CCER1: variants seen among roughly 807,000 people sequenced by gnomAD.
CCER1 encodes coiled-coil domain-containing glutamate-rich protein 1.
For missense variants in CCER1, 573 were observed against 524.5 expected, an observed-to-expected ratio of 1.09 and a Z score of -0.90; for synonymous variants, 246 against 213.8, an observed-to-expected ratio of 1.15 and a Z score of -1.31.
In CCER1 at chr12:90,954,832, C is replaced by G. The variant is rs1182484211; in HGVS notation, c.-90G>C. ...TAGGACGGTCAGAAGAGCCTCGTCT[C>G]GTCAACCTGTCTCTCCACGCAGCGC... On this transcript the variant is annotated 5_prime_UTR_variant, in exon 1 of 1. Coordinates refer to ENST00000358859, the MANE Select transcript of CCER1 (RefSeq NM_152638.4). 1.4e-6 allele frequency: 2 copies of G among 1,469,486 alleles called. No homozygotes were observed. Among genetic ancestry groups the G allele is most frequent in the African/African-American group, 1.4e-5 (1 of 70,560 alleles). The allele number at this position is 1,469,486 out of a possible 1,614,324, so 91.0% of individuals were successfully genotyped here. A position where few individuals can be genotyped will look rare whatever the true frequency, so the allele number is the denominator to read the frequency against.
rs971798166 is a variant in CCER1, at chr12:90,955,088, G to T, written c.-346C>A. ...CACACCCGGCTCTGCTGAGGCACGG[G>T]CTGGGGCCGGGGGAGGCAGGGGTTG... On this transcript the variant is annotated 5_prime_UTR_variant, in exon 1 of 1. Coordinates refer to ENST00000358859, the MANE Select transcript of CCER1 (RefSeq NM_152638.4). 8.0e-6 allele frequency: 3 copies of T among 374,932 alleles called. No individual in the cohort carries two copies. The Admixed American group carries it at 1.3e-4, about 16-fold the overall frequency. 23.2% of individuals were successfully genotyped at this position (374,932 alleles called of 1,614,324 possible).
rs1438755570 is a variant in CCER1, at chr12:90,954,365, G to A, written c.378C>T (p.Ser126=). 1.2e-6 allele frequency: 2 copies of A among 1,610,214 alleles called. No homozygotes were observed. Among genetic ancestry groups the A allele is most frequent in the African/African-American group, 1.3e-5 (1 of 74,924 alleles). The part of the protein sequence containing the change: ...PLCFCCCSCW[S]GSWNPGWVKP... ...TCACCCAGCCAGGGTTCCAGGACCC[G>A]CTCCAGCAGGAGCAGCAGCAAAAGC... The change falls in exon 1 of 1, where the codon AGC becomes AGT. Residue 126 remains serine, a synonymous_variant. Transcript: ENST00000358859.
Position 90,953,384 on chromosome 12 carries a change from T to C in CCER1, c.*138A>G, listed in dbSNP as rs937344290. Reference sequence around the variant, plus strand: ...ACACATACGCATCAAATTTTAAACATTTTATAATGGCCAAAGAAGGTGTTT... The same window carrying C: ...ACACATACGCATCAAATTTTAAACACTTTATAATGGCCAAAGAAGGTGTTT... On this transcript the variant is annotated 3_prime_UTR_variant, in exon 1 of 1. Transcript: ENST00000358859. 4.6e-6 allele frequency: 5 copies of C among 1,091,190 alleles called. No homozygotes were observed. The Admixed American group carries it at 1.5e-4, about 33-fold the overall frequency. 67.6% of individuals were successfully genotyped at this position (1,091,190 alleles called of 1,614,324 possible).
At position 90,954,723 on chromosome 12, in the gene CCER1, G is replaced by A; in HGVS notation, c.20C>T (p.Thr7Ile). MTQTLD[T>I]REDPLNLGGG... is the part of the protein sequence containing the mutation. ...GCCCAGGTTCAGAGGGTCTTCCCTT[G>A]TGTCGAGGGTCTGAGTCATGGTTCA... The change falls in exon 1 of 1, where the codon ACA becomes ATA. Residue 7 changes from threonine (T) to isoleucine (I), a missense_variant. By Grantham distance (89) the Thr-to-Ile change is moderately conservative. Coordinates refer to ENST00000358859, the MANE Select transcript of CCER1 (RefSeq NM_152638.4). 6.4e-7 allele frequency: 1 copy of A among 1,552,962 alleles called. No individual in the cohort carries two copies. The highest frequency in any genetic ancestry group is 8.7e-7 in the Non-Finnish European group (1 of 1,149,042).
rs1013370377 is a variant in CCER1 at position 90,953,123 on chromosome 12, A to G, written c.*399T>C. 2 of 169,698 alleles carry G rather than the reference A, an allele frequency of 1.2e-5. No homozygotes were observed. The highest frequency in any genetic ancestry group is 4.7e-5 in the African/African-American group (2 of 42,106). The allele number at this position is 169,698 out of a possible 1,614,324, so 10.5% of individuals were successfully genotyped here. ...TAGCGTTAGAATGTGCTTCTTACGC[A>G]TGTAATAAACTATCTCTTGATTCCA... is the stretch of plus-strand genomic sequence containing the variant. On this transcript the variant is annotated 3_prime_UTR_variant, in exon 1 of 1. Transcript: ENST00000358859.
In CCER1 at chr12:90,954,174, G is replaced by A. The variant is rs750375255; in HGVS notation, c.569C>T (p.Thr190Ile). The A allele has an allele frequency of 6.2e-7, 1 of 1,610,630 alleles. No individual in the cohort carries two copies. Among genetic ancestry groups the A allele is most frequent in the Admixed American group, 1.7e-5 (1 of 60,032 alleles). ...EPGMRAPPNT[T>I]QFIMNQIYED... ...GTAGATCTGGTTCATGATGAATTGG[G>A]TGGTGTTGGGCGGCGCTCGCATGCC... Residue 190 changes from threonine to isoleucine, a missense_variant, in exon 1 of 1, where the codon ACC becomes ATC. By Grantham distance (89) the Thr-to-Ile change is moderately conservative. Transcript: ENST00000358859.
At position 90,954,525 on chromosome 12, in the gene CCER1, G is replaced by C. The variant is rs561247270; in HGVS notation, c.218C>G (p.Pro73Arg). The C allele has an allele frequency of 2.2e-5, 36 of 1,612,698 alleles. No homozygotes were observed. Among genetic ancestry groups the C allele is most frequent in the Non-Finnish European group, 2.9e-5 (34 of 1,179,052 alleles). Residue 73 changes from proline to arginine, a missense_variant, in exon 1 of 1, where the codon CCG becomes CGG. Transcript: ENST00000358859. ...CACGGGTGGTTGGAACCAAAAGCCCGGGCCGTGCTGTTGCTTCGGCTGCTT... is the reference window on the plus strand; with the variant it reads ...CACGGGTGGTTGGAACCAAAAGCCCCGGCCGTGCTGTTGCTTCGGCTGCTT... The part of the protein sequence containing the change: ...PRKQPKQQHG[P>R]GFWFQPPVCS...
rs531881142 is a variant in CCER1, at chr12:90,954,428, C to T, written c.315G>A (p.Pro105=). The T allele has an allele frequency of 1.2e-6, 2 of 1,611,124 alleles. No homozygotes were observed. The highest frequency in any genetic ancestry group is 1.3e-5 in the African/African-American group (1 of 74,946). ...GGCCATACACCCGAAACACTTGCAC[C>T]GGGCAGGGGAATTTCCAGAATCCTG... ...PPPGFWKFPC[P]VQVFRVYGLH... Residue 105 remains proline (P), a synonymous_variant, in exon 1 of 1, where the codon CCG becomes CCA. Transcript: ENST00000358859.
In CCER1 at chr12:90,952,899, T is replaced by A. The variant is rs1337350028; in HGVS notation, c.*623A>T. On this transcript the variant is annotated 3_prime_UTR_variant, in exon 1 of 1. Coordinates refer to ENST00000358859, the MANE Select transcript of CCER1 (RefSeq NM_152638.4). ...GTTCCACAGAAGCAACTTCATGTTC[T>A]TCTGAGGAAGATCCATAGCACTGTG... 6.5e-6 allele frequency: 1 copy of A among 152,680 alleles called. No individual in the cohort carries two copies. Among genetic ancestry groups the A allele is most frequent in the Non-Finnish European group, 1.5e-5 (1 of 68,082 alleles). 9.5% of individuals were successfully genotyped at this position (152,680 alleles called of 1,614,324 possible). A position where few individuals can be genotyped will look rare whatever the true frequency, so the allele number is the denominator to read the frequency against.
rs1234303814 is a variant in CCER1, at chr12:90,953,367, G to A, written c.*155C>T. On this transcript the variant is annotated 3_prime_UTR_variant, in exon 1 of 1. Transcript: ENST00000358859. ...CACCCACCCATAGTCATACACATAC[G>A]CATCAAATTTTAAACATTTTATAAT... is the stretch of plus-strand genomic sequence containing the variant. The A allele has an allele frequency of 1.9e-5, 16 of 828,202 alleles. No individual in the cohort carries two copies. Among genetic ancestry groups the A allele is most frequent in the East Asian group, 5.4e-5 (2 of 36,808 alleles). 51.3% of individuals were successfully genotyped at this position (828,202 alleles called of 1,614,324 possible). A position where few individuals can be genotyped will look rare whatever the true frequency, so the allele number is the denominator to read the frequency against.
chr12:90,953,682 CCT>C lies in CCER1; in HGVS notation c.1059_1060del (p.Glu355ArgfsTer17). The C allele has an allele frequency of 6.2e-7, 1 of 1,614,032 alleles. No homozygotes were observed. The highest frequency in any genetic ancestry group is 8.5e-7 in the Non-Finnish European group (1 of 1,179,986). On this transcript the variant is annotated frameshift_variant, in exon 1 of 1. Transcript: ENST00000358859. LOFTEE classifies it low-confidence loss of function (END_TRUNC). ...TTCCAGAGGCAAGTGAAATTCTTCC[CCT>C]CTCTGCTCGTTCTCCTCCAGGACCT...
Position 90,953,810 on chromosome 12 carries a change from C to G in CCER1, c.933G>C (p.Glu311Asp), listed in dbSNP as rs3832847. ...CTTCCTCCTCATCTTCGACCTCTTC[C>G]TCCTCATCTTCGACCTCTTCTTCCT... ...SEEEEEVEDEEEEVEDEEEEE... is the reference protein window; with the variant it reads ...SEEEEEVEDEDEEVEDEEEEE... The change falls in exon 1 of 1, where the codon GAG becomes GAC. Residue 311 changes from glutamate (E) to aspartate (D), a missense_variant. Physicochemically the swap from Glu to Asp is conservative, Grantham distance 45 (BLOSUM62 2). Coordinates refer to ENST00000358859, the MANE Select transcript of CCER1 (RefSeq NM_152638.4). 1.3e-6 allele frequency: 2 copies of G among 1,521,674 alleles called. No homozygotes were observed. Among genetic ancestry groups the G allele is most frequent in the Non-Finnish European group, 1.8e-6 (2 of 1,100,042 alleles). 94.3% of individuals were successfully genotyped at this position (1,521,674 alleles called of 1,614,324 possible).
rs1876609928 is a variant in CCER1, at chr12:90,954,854, G to C, written c.-112C>G. ...TCTCGTCAACCTGTCTCTCCACGCA[G>C]CGCCACGTGTCTACCCCTGGGATCA... On this transcript the variant is annotated 5_prime_UTR_variant, in exon 1 of 1. Coordinates refer to ENST00000358859, the MANE Select transcript of CCER1 (RefSeq NM_152638.4). 2.7e-5 allele frequency: 40 copies of C among 1,458,824 alleles called. No homozygotes were observed. The highest frequency in any genetic ancestry group is 3.6e-5 in the Non-Finnish European group (40 of 1,102,728). 90.4% of individuals were successfully genotyped at this position (1,458,824 alleles called of 1,614,324 possible).
Position 90,954,424 on chromosome 12 carries a change from G to T in CCER1, c.319C>A (p.Gln107Lys). ...PGFWKFPCPV[Q>K]VFRVYGLHPL... is the part of the protein sequence containing the mutation. ...TGCAGGCCATACACCCGAAACACTT[G>T]CACCGGGCAGGGGAATTTCCAGAAT... Residue 107 changes from glutamine (Q) to lysine (K), a missense_variant, in exon 1 of 1, where the codon CAA becomes AAA. Physicochemically the swap from Gln to Lys is moderately conservative, Grantham distance 53. Transcript: ENST00000358859. The T allele has an allele frequency of 6.2e-7, 1 of 1,612,010 alleles. No homozygotes were observed. Among genetic ancestry groups the T allele is most frequent in the Non-Finnish European group, 8.5e-7 (1 of 1,179,282 alleles).
Position 90,954,454 on chromosome 12 carries a change from G to A in CCER1, c.289C>T (p.Pro97Ser). 6.2e-7 allele frequency: 1 copy of A among 1,610,280 alleles called. No homozygotes were observed. Among genetic ancestry groups the A allele is most frequent in the Non-Finnish European group, 8.5e-7 (1 of 1,177,640 alleles). ...GGGCAGGGGAATTTCCAGAATCCTG[G>A]AGGGGGTGGGCGCCAGGGCCCTCCC... ...CWGGPWRPPP[P>S]GFWKFPCPVQ... The change falls in exon 1 of 1, where the codon CCA (proline) becomes TCA (serine). Residue 97 changes from proline to serine, a missense_variant. By Grantham distance (74) the Pro-to-Ser change is moderately conservative. Coordinates refer to ENST00000358859, the MANE Select transcript of CCER1 (RefSeq NM_152638.4).
chr12:90,954,791 G>A lies in CCER1; in HGVS notation c.-49C>T. 2 of 1,501,718 alleles carry A rather than the reference G, an allele frequency of 1.3e-6. No homozygotes were observed. Among genetic ancestry groups the A allele is most frequent in the Admixed American group, 2.2e-5 (1 of 46,118 alleles). The allele number at this position is 1,501,718 out of a possible 1,614,324, so 93.0% of individuals were successfully genotyped here. A position where few individuals can be genotyped will look rare whatever the true frequency, so the allele number is the denominator to read the frequency against. ...CAGATGGTAGCGACCTGAAGCTGTC[G>A]TCAAGTTTTGCCAGGTAGGACGGTC... On this transcript the variant is annotated 5_prime_UTR_variant, in exon 1 of 1. The change creates a new upstream start codon in the 5' untranslated region. Coordinates refer to ENST00000358859, the MANE Select transcript of CCER1 (RefSeq NM_152638.4).
chr12:90,953,850 T>G lies in CCER1; in HGVS notation c.893A>C (p.Lys298Thr), dbSNP rs774129484. The G allele has an allele frequency of 1.2e-6, 2 of 1,604,374 alleles. No individual in the cohort carries two copies. The highest frequency in any genetic ancestry group is 8.5e-7 in the Non-Finnish European group (1 of 1,171,202). ...EEYDQEVCDAKEASEEEEEVE... is the reference protein window; with the variant it reads ...EEYDQEVCDATEASEEEEEVE... ...CTCTTCTTCCTCCTCGCTCGCCTCC[T>G]TTGCATCACACACCTCCTGGTCATA... Residue 298 changes from lysine (K) to threonine (T), a missense_variant, in exon 1 of 1, where the codon AAG becomes ACG. Transcript: ENST00000358859.
Position 90,954,542 on chromosome 12 carries a change from C to T in CCER1, c.201G>A (p.Pro67=), listed in dbSNP as rs141295104. ...KTEYGPPRKQ[P]KQQHGPGFWF... ...AAAAGCCCGGGCCGTGCTGTTGCTTCGGCTGCTTCCTTGGGGGCCCATACT... is the reference window on the plus strand; with the variant it reads ...AAAAGCCCGGGCCGTGCTGTTGCTTTGGCTGCTTCCTTGGGGGCCCATACT... Residue 67 remains proline (P), a synonymous_variant, in exon 1 of 1, where the codon CCG becomes CCA. Transcript: ENST00000358859. The T allele has an allele frequency of 1.2e-3, 1,871 of 1,613,550 alleles. 35 individuals are homozygous for T. In the East Asian group the frequency reaches 0.031, roughly 27 times the overall value.
rs1458902331 is a variant in CCER1 at position 90,954,158 on chromosome 12, G to A, written c.585C>T (p.Asn195=). ...APPNTTQFIM[N]QIYEDMRQQE... is the part of the protein sequence containing the mutation. ...GCTGCCTCATGTCCTCGTAGATCTG[G>A]TTCATGATGAATTGGGTGGTGTTGG... The change falls in exon 1 of 1, where the codon AAC becomes AAT. Residue 195 remains asparagine, a synonymous_variant. Coordinates refer to ENST00000358859, the MANE Select transcript of CCER1 (RefSeq NM_152638.4). The A allele has an allele frequency of 6.2e-7, 1 of 1,611,334 alleles. No individual in the cohort carries two copies. The highest frequency in any genetic ancestry group is 1.7e-5 in the Admixed American group (1 of 60,034).
Sources: allele counts gnomAD v4.1 joint callset, GRCh38; gene constraint gnomAD v4.1.1; transcripts MANE v1.5; gene names NCBI Gene and HGNC (gene_info 2026-07-23, HGNC 2026-07-21).